The following FAF1 variants were observed in gnomAD, a reference collection of about 807,000 sequenced individuals.
FAF1 encodes FAS-associated factor 1.
Under a neutral mutation model 92.5 loss-of-function variants are expected in FAF1, and 25 were observed. The ratio of observed to expected loss-of-function variants is 0.27; its 90% CI spans 0.20 to 0.38. FAF1 has a LOEUF of 0.38. Among genes scored for constraint, FAF1 ranks in the 10% least tolerant of loss-of-function variants. The pLI is 1.00. For synonymous variants in FAF1, 234 were observed against 273.2 expected (o/e 0.86, Z 1.42); for missense variants, 636 against 793.3 (o/e 0.80, Z 2.38).
intron 2 of FAF1, among the ~76,000 whole-genome samples, chr1:50,838,943 T>C (rs1644234084): frequency 6.6e-6 from 1 of 152,104 alleles, no homozygotes; most frequent in African/African-American, 2.4e-5. Context: ...TACCAAATTA[T>C]AAACCCCTAA....
intron 6 of FAF1, chr1:50,706,168 A>G (rs1657666065): frequency 3.2e-6 from 1 of 315,574 alleles, no homozygotes. Flanking sequence ...GCTAATTCAT[A>G]ATATCTGCAT....
intron 8 of FAF1, among the ~76,000 whole-genome samples, chr1:50,600,707 T>C (rs1214635110): frequency 2.0e-5 from 3 of 152,036 alleles, no homozygotes; most frequent in Admixed American, 2.0e-4. Context: ...ATCAAAAAAA[T>C]TCATTACAAC....
intron 1 of FAF1, among the ~76,000 whole-genome samples, chr1:50,869,651 GT>G (rs970133980): frequency 1.3e-5 from 2 of 152,114 alleles, no homozygotes; most frequent in African/African-American, 4.8e-5. Flanking sequence ...AATTTGTACA[GT>G]GATGATTTAC....
At chr1:50,864,638 T>A (rs1184732245) in intron 1 of FAF1, among the ~76,000 whole-genome samples, 21 of 151,654 alleles carry the variant, frequency 1.4e-4, no homozygotes, top group Non-Finnish European at 7.4e-5. Flanking sequence ...GCTAGCCATA[T>A]GTAGAAAGCT....
intron 8 of FAF1, among the ~76,000 whole-genome samples, chr1:50,631,885 C>T (rs933193407): frequency 2.6e-5 from 4 of 152,162 alleles, no homozygotes; most frequent in Non-Finnish European, 4.4e-5. Flanking sequence ...AAGGGATCCT[C>T]TGAAATAAGT....
At chr1:50,689,993 CTTTTTTTT>C (rs1159221059) in intron 7 of FAF1, among the ~76,000 whole-genome samples, 3 of 122,336 alleles carry the variant, frequency 2.5e-5, no homozygotes, top group African/African-American at 6.4e-5. Flanking sequence ...CATTATATTT[CTTTTTTTT>C]TTTTTTTTTT....
At chr1:50,919,380 A>C (rs1207234853) in intron 1 of FAF1, among the ~76,000 whole-genome samples, 1 of 152,172 alleles carries the variant, frequency 6.6e-6, no homozygotes, top group Non-Finnish European at 1.5e-5. Flanking sequence ...ATATTCTTTA[A>C]AAAACAATTC....
Position 50,539,730 on chromosome 1 carries a change from TA to T in FAF1, c.1269-3del. 4.4e-6 allele frequency: 7 copies of T among 1,605,984 alleles called. No homozygotes were observed. The highest frequency in any genetic ancestry group is 6.0e-6 in the Non-Finnish European group (7 of 1,175,368). ...TGTCTATTGCACATAGTGAGAAATC[TA>T]AAAGGAGACAAAATACAAAGTAAGT... is the stretch of plus-strand genomic sequence containing the variant. On this transcript the variant is annotated splice_polypyrimidine_tract_variant and splice_region_variant and intron_variant, in intron 13 of 18. Coordinates refer to ENST00000396153, the MANE Select transcript of FAF1 (RefSeq NM_007051.3).
chr1:50,585,801 T>G (rs1481738499), intron 9 of FAF1, among the ~76,000 whole-genome samples: 2 of 151,674 alleles, frequency 1.3e-5, no homozygotes, highest in Non-Finnish European at 2.9e-5. Flanking sequence ...CATAAATATT[T>G]TGCCAGAAAA....
At chr1:50,611,333 A>G (rs1378566241) in intron 8 of FAF1, among the ~76,000 whole-genome samples, 1 of 152,200 alleles carries the variant, frequency 6.6e-6, no homozygotes, top group Non-Finnish European at 1.5e-5. Context: ...CAAGGTAGAT[A>G]TTAACACAAA....
At chr1:50,855,033 A>G (rs527683626) in intron 2 of FAF1, among the ~76,000 whole-genome samples, 2 of 152,002 alleles carry the variant, frequency 1.3e-5, no homozygotes, top group East Asian at 3.9e-4. Context: ...TCGATTGAAC[A>G]TTTTGGATTT....
chr1:50,846,953 G>A, intron 2 of FAF1: 1 of 219,584 alleles, frequency 4.6e-6, no homozygotes, highest in Non-Finnish European at 8.9e-6. Flanking sequence ...TGTATTGCAG[G>A]TGCTGTTTGA....
chr1:50,752,117 G>A (rs946073622), intron 4 of FAF1, among the ~76,000 whole-genome samples: 4 of 152,024 alleles, frequency 2.6e-5, no homozygotes, highest in Admixed American at 6.6e-5. Flanking sequence ...CTACAGGCGC[G>A]TGCCACCACA....
intron 4 of FAF1, among the ~76,000 whole-genome samples, chr1:50,781,808 C>T (rs941424000): frequency 4.6e-5 from 7 of 152,100 alleles, no homozygotes; most frequent in Non-Finnish European, 8.8e-5. Context: ...TCCTTCGCAA[C>T]CAAAATAAAA....
At chr1:50,464,815 G>C (rs1377969354) in intron 18 of FAF1, among the ~76,000 whole-genome samples, 1 of 152,168 alleles carries the variant, frequency 6.6e-6, no homozygotes, top group African/African-American at 2.4e-5. Flanking sequence ...ATACAGAAAA[G>C]AGAAATGATG....
chr1:50,927,439 G>A (rs184653426), intron 1 of FAF1, among the ~76,000 whole-genome samples: 5 of 152,106 alleles, frequency 3.3e-5, no homozygotes, highest in East Asian at 1.9e-4. Flanking sequence ...AAAATGAGCC[G>A]GGCATGGTGG....
chr1:50,749,599 A>G (rs76023676), intron 4 of FAF1, among the ~76,000 whole-genome samples: 2,236 of 152,262 alleles, frequency 0.015, 57 homozygotes, highest in African/African-American at 0.052. Context: ...CAACATGAGC[A>G]ACACAGCAAG....
intron 8 of FAF1, among the ~76,000 whole-genome samples, chr1:50,609,254 C>A (rs1410709724): frequency 6.6e-6 from 1 of 152,100 alleles, no homozygotes; most frequent in Non-Finnish European, 1.5e-5. Context: ...CTTGTTATTC[C>A]CTCTTAGTAA....
intron 1 of FAF1, among the ~76,000 whole-genome samples, chr1:50,920,843 A>G (rs1644956703): frequency 6.6e-6 from 1 of 152,208 alleles, no homozygotes; most frequent in Admixed American, 6.5e-5. Flanking sequence ...TATCCCTAAG[A>G]TTAGGAAAAA....
Sources: gnomAD v4.1 joint callset for allele counts (sites outside exome capture counted in the v4.1 genomes callset) on GRCh38, gnomAD v4.1.1 for gene constraint, MANE v1.5 for transcripts, NCBI Gene and HGNC (gene_info 2026-07-23, HGNC 2026-07-21) for gene names.